DYNC2H1: variants seen among roughly 807,000 people sequenced by gnomAD.
The protein encoded by DYNC2H1 is dynein cytoplasmic 2 heavy chain 1.
DYNC2H1 carries 410 observed loss-of-function variants against 570.0 expected under a neutral mutation model. The ratio of observed to expected loss-of-function variants is 0.72; its 90% CI spans 0.66 to 0.78. DYNC2H1 has a LOEUF of 0.78. Ranked by LOEUF, DYNC2H1 falls within the 30% of genes least tolerant of loss-of-function variation. The pLI, the probability that DYNC2H1 is intolerant of heterozygous loss-of-function variation, is 0.00. For synonymous variants in DYNC2H1, 1,688 were observed against 1,677.6 expected, an observed-to-expected ratio of 1.01 and a Z score of -0.15; for missense variants, 4,865 against 5,046.4, an observed-to-expected ratio of 0.96 and a Z score of 1.09.
Position 103,179,082 on chromosome 11 carries a change from C to T in DYNC2H1, c.6196C>T (p.Leu2066=). ...TATTGACCCTGAATGGATAGAATCT[C>T]TGAATTCTGTTCTGGATGATAATCG... ...GDIDPEWIES[L]NSVLDDNRLL... is the part of the protein sequence containing the mutation. The change falls in exon 39 of 89, where the codon CTG becomes TTG. Residue 2066 remains leucine (L), a synonymous_variant. Transcript: ENST00000375735. 6.2e-7 allele frequency: 1 copy of T among 1,612,638 alleles called. No individual in the cohort carries two copies. Among genetic ancestry groups the T allele is most frequent in the Non-Finnish European group, 8.5e-7 (1 of 1,179,032 alleles).
At chr11:103,266,935 C>A (rs1322473526) in intron 70 of DYNC2H1, among the ~76,000 whole-genome samples, 1 of 152,160 alleles carries the variant, frequency 6.6e-6, no homozygotes, top group Non-Finnish European at 1.5e-5. Context: ...CTAAAGTCTC[C>A]AATGGGAGCA....
At position 103,176,516 on chromosome 11, in the gene DYNC2H1, C is replaced by G. The variant is rs187959975; in HGVS notation, c.5874+82C>G. On this transcript the variant is annotated intron_variant, in intron 37 of 88. Coordinates refer to ENST00000375735, the MANE Select transcript of DYNC2H1 (RefSeq NM_001377.3). ...TTAACTATCCTTGTCCTTCATCTTT[C>G]AACTTATCTTTTATCTTTCAACTTA... The G allele has an allele frequency of 5.3e-4, 596 of 1,120,148 alleles. 1 individual carries two copies. The highest frequency in any genetic ancestry group is 6.7e-4 in the Non-Finnish European group (571 of 848,310). The allele number at this position is 1,120,148 out of a possible 1,614,324, so 69.4% of individuals were successfully genotyped here.
At chr11:103,452,137 A>G (rs1387867322) in intron 85 of DYNC2H1, among the ~76,000 whole-genome samples, 1 of 152,118 alleles carries the variant, frequency 6.6e-6, no homozygotes, top group Admixed American at 6.5e-5. Context: ...TTCCAAAACA[A>G]TAGTTTTTCC....
At chr11:103,109,881 G>C in intron 1 of DYNC2H1, 112 bp downstream of exon 1, 2 of 1,157,620 alleles carry the variant, frequency 1.7e-6, no homozygotes, top group South Asian at 3.4e-5. Context: ...TCCTTTTCAG[G>C]AACCCAAGGC....
At chr11:103,373,886 T>C (rs1803255860) in intron 83 of DYNC2H1, among the ~76,000 whole-genome samples, 1 of 152,190 alleles carries the variant, frequency 6.6e-6, no homozygotes, top group African/African-American at 2.4e-5. Context: ...GCATCTATAT[T>C]TACAGTTGCT....
intron 83 of DYNC2H1, among the ~76,000 whole-genome samples, chr11:103,386,617 G>C (rs1360576196): frequency 6.6e-6 from 1 of 151,926 alleles, no homozygotes; most frequent in Non-Finnish European, 1.5e-5. Context: ...ATCATGTAAC[G>C]TTAGATATAT....
intron 84 of DYNC2H1, among the ~76,000 whole-genome samples, chr11:103,410,981 G>A (rs1443935412): frequency 6.6e-6 from 1 of 152,068 alleles, no homozygotes; most frequent in Non-Finnish European, 1.5e-5. Context: ...CCTTTGATCC[G>A]GGTGATGTAG....
chr11:103,213,491 T>G (rs1863239937), intron 54 of DYNC2H1, among the ~76,000 whole-genome samples: 1 of 152,114 alleles, frequency 6.6e-6, no homozygotes. Flanking sequence ...TTTAAAATGT[T>G]ATATATAATG....
chr11:103,285,672 G>A (rs932640339), intron 73 of DYNC2H1, among the ~76,000 whole-genome samples: 22 of 151,850 alleles, frequency 1.4e-4, no homozygotes, highest in African/African-American at 4.8e-5. Context: ...TGATCTGCCC[G>A]CCTCAGCCTC....
At position 103,326,750 on chromosome 11, in the gene DYNC2H1, C is replaced by G. The variant is rs997351910; in HGVS notation, c.12039+2760C>G. 6.6e-6 allele frequency among the ~76,000 whole-genome samples: 1 copy of G among 152,226 alleles called. No individual in the cohort carries two copies. Among genetic ancestry groups the G allele is most frequent in the Non-Finnish European group, 1.5e-5 (1 of 68,040 alleles). On this transcript the variant is annotated intron_variant, in intron 82 of 88. Coordinates refer to ENST00000375735, the MANE Select transcript of DYNC2H1 (RefSeq NM_001377.3). This position sits in a 1 kb window ranked among gnomAD's most constrained non-coding sequence, Gnocchi z 6.1. ...CTCGGCAGTGGGAAGGCCTGCAGAA[C>G]AGATGTGCCCCAATCCTGTGGGGGA...
chr11:103,257,759 G>A lies in DYNC2H1; in HGVS notation c.10605+8G>A. 1.3e-6 allele frequency: 2 copies of A among 1,575,610 alleles called. No individual in the cohort carries two copies. Among genetic ancestry groups the A allele is most frequent in the Non-Finnish European group, 1.7e-6 (2 of 1,159,976 alleles). On this transcript the variant is annotated splice_region_variant and intron_variant, in intron 69 of 88. Coordinates refer to ENST00000375735, the MANE Select transcript of DYNC2H1 (RefSeq NM_001377.3). The stretch of plus-strand genomic sequence containing the variant: ...GCTCTACAAAACAAACAGGTAAGCT[G>A]TTGGATACCCTGTACCAGAGACTGA...
chr11:103,332,287 T>A (rs1591590815), intron 82 of DYNC2H1, among the ~76,000 whole-genome samples: 1 of 108,098 alleles, frequency 9.3e-6, no homozygotes, highest in African/African-American at 3.6e-5. Flanking sequence ...TTACCCAAAC[T>A]GAAACATAAG....
At chr11:103,297,195 A>G (rs1866869630) in intron 75 of DYNC2H1, among the ~76,000 whole-genome samples, 3 of 152,100 alleles carry the variant, frequency 2.0e-5, no homozygotes, top group Non-Finnish European at 2.9e-5. Context: ...TCAAAAATAA[A>G]TGTCTCAAAT....
chr11:103,340,751 A>G (rs1017590309), intron 82 of DYNC2H1, among the ~76,000 whole-genome samples: 1 of 152,124 alleles, frequency 6.6e-6, no homozygotes, highest in African/African-American at 2.4e-5. Context: ...ACCTTTCGTA[A>G]CTATTGTCTG....
At chr11:103,468,745 G>T in intron 88 of DYNC2H1, 40 bp downstream of exon 88, 1 of 1,425,454 alleles carries the variant, frequency 7.0e-7, no homozygotes, top group Non-Finnish European at 9.7e-7. Context: ...AATTATATCA[G>T]TTCTCTCTTA....
intron 75 of DYNC2H1, 98 bp from the exon 76 acceptor site, chr11:103,302,995 C>T: frequency 1.1e-6 from 1 of 884,604 alleles, no homozygotes; most frequent in Non-Finnish European, 1.5e-6. Context: ...TTACAACTCA[C>T]CTGGGTATTC....
intron 83 of DYNC2H1, among the ~76,000 whole-genome samples, chr11:103,382,853 A>G (rs1353261436): frequency 6.6e-6 from 1 of 152,242 alleles, no homozygotes; most frequent in Non-Finnish European, 1.5e-5. Context: ...AAGTAGAACA[A>G]ATACTAGGTA....
At chr11:103,391,654 G>C (rs1404646363) in intron 83 of DYNC2H1, among the ~76,000 whole-genome samples, 3 of 152,182 alleles carry the variant, frequency 2.0e-5, no homozygotes, top group Admixed American at 2.0e-4. Flanking sequence ...TTTGATGATG[G>C]TGATGTACAG....
chr11:103,413,399 AAC>A (rs10598851), intron 84 of DYNC2H1, among the ~76,000 whole-genome samples: 14,319 of 152,180 alleles, frequency 0.094, 1,455 homozygotes, highest in African/African-American at 0.24. Context: ...TATGTTAAAT[AAC>A]AGTTTACTAT....
Sources: gnomAD v4.1 joint callset for allele counts (sites outside exome capture counted in the v4.1 genomes callset) on GRCh38, gnomAD v4.1.1 for gene constraint, Gnocchi (gnomAD v3.1) non-coding constraint, MANE v1.5 for transcripts, NCBI Gene and HGNC (gene_info 2026-07-23, HGNC 2026-07-21) for gene names.